The following GREB1L variants were observed in gnomAD, a reference collection of about 807,000 sequenced individuals.
GREB1L encodes GREB1-like protein.
In GREB1L, 17 loss-of-function variants were observed where a neutral mutation model predicts 200.8. The observed-to-expected ratio is 0.08, with a 90% CI of 0.06 to 0.13. GREB1L has a LOEUF of 0.13. GREB1L is among the 10% of genes least tolerant of loss of function. The pLI, the probability that GREB1L is intolerant of heterozygous loss-of-function variation, is 1.00. For synonymous variants in GREB1L, 789 were observed against 893.0 expected (o/e 0.88, Z 2.08); for missense variants, 1,657 against 2,367.7 (o/e 0.70, Z 6.23).
At chr18:21,439,955 C>T (rs554350346) in intron 8 of GREB1L, among the ~76,000 whole-genome samples, 6 of 152,218 alleles carry the variant, frequency 3.9e-5, no homozygotes, top group African/African-American at 1.4e-4. Flanking sequence ...TTTCCTTTCT[C>T]CTTTTACAAA....
At chr18:21,414,932 G>T (rs956667986) in intron 7 of GREB1L, among the ~76,000 whole-genome samples, 1 of 152,198 alleles carries the variant, frequency 6.6e-6, no homozygotes, top group Admixed American at 6.5e-5. Flanking sequence ...ATCCCTGAGA[G>T]ATGGGAAACA....
intron 19 of GREB1L, among the ~76,000 whole-genome samples, chr18:21,493,110 C>T (rs1339521014): frequency 2.0e-5 from 3 of 152,166 alleles, no homozygotes; most frequent in African/African-American, 7.2e-5. Flanking sequence ...TTGCGGCTCA[C>T]TCATTTATTT....
At chr18:21,494,239 G>C (rs555590938) in intron 19 of GREB1L, among the ~76,000 whole-genome samples, 2 of 152,222 alleles carry the variant, frequency 1.3e-5, no homozygotes, top group East Asian at 1.9e-4. Context: ...GAACAGTTAC[G>C]TAGATTCCCT....
At chr18:21,454,861 G>A (rs954669383) in intron 15 of GREB1L, 15 of 393,374 alleles carry the variant, frequency 3.8e-5, no homozygotes, top group African/African-American at 3.1e-4. Flanking sequence ...ATTTTCTCAA[G>A]GCGAGGATGG....
chr18:21,375,315 G>T (rs978834206), intron 2 of GREB1L, among the ~76,000 whole-genome samples: 1 of 152,066 alleles, frequency 6.6e-6, no homozygotes, highest in Non-Finnish European at 1.5e-5. Flanking sequence ...ATCCACCTCA[G>T]CCTCCCAAAG....
At chr18:21,436,716 GTTTTC>G (rs1172302345) in intron 7 of GREB1L, among the ~76,000 whole-genome samples, 8 of 136,148 alleles carry the variant, frequency 5.9e-5, no homozygotes, top group Non-Finnish European at 1.3e-4. Context: ...GTGTGTGTGT[GTTTTC>G]TTTTTCTGAA....
rs569990916 is a variant in GREB1L, at chr18:21,320,490, G to A, written c.-119-45537G>A. Among the ~76,000 whole-genome samples, 14 of 152,240 alleles carry A rather than the reference G, an allele frequency of 9.2e-5. No individual in the cohort carries two copies. In the East Asian group the frequency reaches 1.4e-3, roughly 15 times the overall value. ...GAAAAATAAAACTATTGGACCAGGC[G>A]TGATGGCTCACGCCTGTAATCCCAG... On this transcript the variant is annotated intron_variant, in intron 1 of 32. Transcript: ENST00000424526.
At chr18:21,412,035 G>A (rs1236545040) in intron 7 of GREB1L, among the ~76,000 whole-genome samples, 2 of 126,632 alleles carry the variant, frequency 1.6e-5, no homozygotes, top group Non-Finnish European at 3.1e-5. Flanking sequence ...CTGGGCGACA[G>A]AGCGAGACTC....
At chr18:21,286,522 T>C (rs2038360544) in intron 1 of GREB1L, among the ~76,000 whole-genome samples, 1 of 152,066 alleles carries the variant, frequency 6.6e-6, no homozygotes, top group African/African-American at 2.4e-5. Context: ...AACAAACAAA[T>C]AAATATGTGG....
intron 17 of GREB1L, among the ~76,000 whole-genome samples, chr18:21,481,471 G>GTATA (rs1465719612): frequency 4.3e-5 from 5 of 117,054 alleles, no homozygotes; most frequent in African/African-American, 1.8e-4. Context: ...GTGTGTGTGT[G>GTATA]TGTGTGTATA....
At chr18:21,256,596 G>C (rs1409845577) in intron 1 of GREB1L, among the ~76,000 whole-genome samples, 1 of 152,082 alleles carries the variant, frequency 6.6e-6, no homozygotes, top group Non-Finnish European at 1.5e-5. Flanking sequence ...AATCTCTATT[G>C]AACAAATAAC....
chr18:21,329,249 T>C (rs536009928), intron 1 of GREB1L, among the ~76,000 whole-genome samples: 3 of 146,388 alleles, frequency 2.0e-5, no homozygotes, highest in Non-Finnish European at 4.5e-5. Context: ...GGCTTAAGCC[T>C]GGGAGGTGGA....
intron 12 of GREB1L, among the ~76,000 whole-genome samples, chr18:21,450,291 T>A (rs2034456042): frequency 6.6e-6 from 1 of 151,686 alleles, no homozygotes; most frequent in South Asian, 2.1e-4. Flanking sequence ...GTTGGTACAC[T>A]ACAAAATTGG....
At chr18:21,417,909 A>T (rs2144811970) in intron 7 of GREB1L, among the ~76,000 whole-genome samples, 1 of 150,382 alleles carries the variant, frequency 6.6e-6, no homozygotes, top group Admixed American at 6.7e-5. Context: ...TGAACCCGGG[A>T]GGTGGAGCTT....
chr18:21,355,782 T>G, intron 1 of GREB1L, among the ~76,000 whole-genome samples: 1 of 152,158 alleles, frequency 6.6e-6, no homozygotes, highest in East Asian at 1.9e-4. Context: ...GTTCTTTCTT[T>G]ATGACATGGT....
chr18:21,390,746 A>G (rs560960203), intron 4 of GREB1L, among the ~76,000 whole-genome samples: 1 of 152,284 alleles, frequency 6.6e-6, no homozygotes, highest in South Asian at 2.1e-4. Context: ...CATATTGGCC[A>G]GGATGGTCTC....
chr18:21,507,782 C>T (rs925033056), intron 25 of GREB1L, among the ~76,000 whole-genome samples: 1 of 152,220 alleles, frequency 6.6e-6, no homozygotes, highest in Non-Finnish European at 1.5e-5. Flanking sequence ...TTTAGGAATG[C>T]ATACAGAGCA....
chr18:21,280,865 T>G (rs1319097846), intron 1 of GREB1L, among the ~76,000 whole-genome samples: 1 of 152,204 alleles, frequency 6.6e-6, no homozygotes, highest in Admixed American at 6.5e-5. Context: ...ACTGTCAGTA[T>G]GTTAAGCATT....
intron 1 of GREB1L, among the ~76,000 whole-genome samples, chr18:21,244,713 T>A (rs2037567682): frequency 6.6e-6 from 1 of 152,166 alleles, no homozygotes; most frequent in Non-Finnish European, 1.5e-5. Flanking sequence ...TCTTACGAGT[T>A]TGATGTCATT....
Sources: gnomAD v4.1 joint callset for allele counts (sites outside exome capture counted in the v4.1 genomes callset) on GRCh38, gnomAD v4.1.1 for gene constraint, MANE v1.5 for transcripts, NCBI Gene and HGNC (gene_info 2026-07-23, HGNC 2026-07-21) for gene names.